Variants in FOXO1 observed in about 807,000 individuals in gnomAD.
FOXO1 encodes forkhead box O1.
Under a neutral mutation model 44.1 loss-of-function variants are expected in FOXO1, and 6 were observed. That is an observed-to-expected ratio of 0.14 (90% CI 0.07 to 0.27). The LOEUF (loss-of-function observed/expected upper bound fraction) is 0.27, where lower values mean the gene tolerates loss of function less well. Among genes scored for constraint, FOXO1 ranks in the 10% least tolerant of loss-of-function variants. The probability of loss-of-function intolerance (pLI) is 1.00; values close to 1 mark genes in which losing one functional copy is unlikely to be tolerated. For missense variants in FOXO1, 737 were observed against 888.8 expected (o/e 0.83, Z 2.17); for synonymous variants, 380 against 362.7 (o/e 1.05, Z -0.54).
chr13:40,608,231 C>T (rs1016970843), intron 1 of FOXO1, among the ~76,000 whole-genome samples: 5 of 152,152 alleles, frequency 3.3e-5, no homozygotes, highest in Non-Finnish European at 5.9e-5. Context: ...GGCCTCTTGT[C>T]GGTAAAGTAC....
At position 40,560,465 on chromosome 13, in the gene FOXO1, A is replaced by G. The variant is rs377391562; in HGVS notation, c.1026T>C (p.Asp342=). Residue 342 remains aspartate (D), a synonymous_variant, in exon 2 of 3, where the codon GAT becomes GAC. Transcript: ENST00000379561. This position sits in a 1 kb window ranked among gnomAD's most constrained non-coding sequence, Gnocchi z 5.1. The part of the protein sequence containing the change: ...MTEQDDLGEG[D]VHSMVYPPSA... Reference sequence around the variant, plus strand: ...ATGGCGGGTACACCATAGAATGCACATCCCCTTCTCCAAGATCATCCTGTT... The same window carrying G: ...ATGGCGGGTACACCATAGAATGCACGTCCCCTTCTCCAAGATCATCCTGTT... The G allele has an allele frequency of 6.0e-5, 97 of 1,614,058 alleles. No individual in the cohort carries two copies. The highest frequency in any genetic ancestry group is 4.6e-4 in the South Asian group (42 of 91,082).
At chr13:40,588,730 TGG>T (rs1237825200) in intron 1 of FOXO1, among the ~76,000 whole-genome samples, 9 of 152,176 alleles carry the variant, frequency 5.9e-5, no homozygotes, top group African/African-American at 2.2e-4. Context: ...TGAGCAACTA[TGG>T]AGGTCTCCTT....
At chr13:40,636,688 A>C (rs1175873629) in intron 1 of FOXO1, among the ~76,000 whole-genome samples, 1 of 151,824 alleles carries the variant, frequency 6.6e-6, no homozygotes, top group Non-Finnish European at 1.5e-5. Context: ...CACCCAGCTG[A>C]CTTTTGTATT....
rs1457196761 is a variant in FOXO1, at chr13:40,666,305, C to A, written c.-93G>T. ...CGGGGAGGGGGCGCGAAGGGACGGT[C>A]CGAGATTTGGGGGAACGAAGCCGGT... On this transcript the variant is annotated 5_prime_UTR_variant, in exon 1 of 3. Transcript: ENST00000379561. 4 of 1,100,984 alleles carry A rather than the reference C, an allele frequency of 3.6e-6. No individual in the cohort carries two copies. Among genetic ancestry groups the A allele is most frequent in the Non-Finnish European group, 4.7e-6 (4 of 844,426 alleles). The allele number at this position is 1,100,984 out of a possible 1,614,324, so 68.2% of individuals were successfully genotyped here. A position where few individuals can be genotyped will look rare whatever the true frequency, so the allele number is the denominator to read the frequency against.
At chr13:40,618,920 A>G in intron 1 of FOXO1, 1 of 526,570 alleles carries the variant, frequency 1.9e-6, no homozygotes. Flanking sequence ...CCCTAGAGAA[A>G]TAACATCAGA....
At chr13:40,624,625 AGGT>A (rs1876728350) in intron 1 of FOXO1, among the ~76,000 whole-genome samples, 1 of 152,084 alleles carries the variant, frequency 6.6e-6, no homozygotes, top group African/African-American at 2.4e-5. Flanking sequence ...TGGCGGGGGG[AGGT>A]GACAGATGAC....
chr13:40,592,326 A>G (rs1441050870), intron 1 of FOXO1, among the ~76,000 whole-genome samples: 1 of 152,258 alleles, frequency 6.6e-6, no homozygotes, highest in African/African-American at 2.4e-5. Flanking sequence ...AACTCAGGAC[A>G]GAGAAAGTTG....
At chr13:40,650,653 A>G (rs533105553) in intron 1 of FOXO1, among the ~76,000 whole-genome samples, 3 of 152,306 alleles carry the variant, frequency 2.0e-5, no homozygotes, top group East Asian at 1.9e-4. Flanking sequence ...AACACTCAAG[A>G]GCAGGCAGGT....
chr13:40,574,327 C>T (rs1417492248), intron 1 of FOXO1, among the ~76,000 whole-genome samples: 2 of 152,108 alleles, frequency 1.3e-5, no homozygotes. Context: ...ATGTCTGTGT[C>T]CAAGTTAGAT....
chr13:40,633,663 A>G (rs1453762902), intron 1 of FOXO1, among the ~76,000 whole-genome samples: 1 of 152,218 alleles, frequency 6.6e-6, no homozygotes. Flanking sequence ...GATGATAAAA[A>G]TGAAAATTGT....
Position 40,557,038 on chromosome 13 carries a change from G to A in FOXO1, c.*2011C>T, listed in dbSNP as rs1873781057. On this transcript the variant is annotated 3_prime_UTR_variant, in exon 3 of 3. Coordinates refer to ENST00000379561, the MANE Select transcript of FOXO1 (RefSeq NM_002015.4). The stretch of plus-strand genomic sequence containing the variant: ...CTGTTCAATGAATCTTCAAAAAAAT[G>A]ATCATCACAGTGGGAAGCTTACAAT... The A allele has an allele frequency of 6.6e-6, 1 of 152,180 alleles. No homozygotes were observed. The highest frequency in any genetic ancestry group is 1.5e-5 in the Non-Finnish European group (1 of 68,026). The allele number at this position is 152,180 out of a possible 1,614,324, so 9.4% of individuals were successfully genotyped here.
At chr13:40,636,465 T>C (rs1877158351) in intron 1 of FOXO1, among the ~76,000 whole-genome samples, 1 of 151,440 alleles carries the variant, frequency 6.6e-6, no homozygotes, top group East Asian at 1.9e-4. Flanking sequence ...AGGCCAGGAG[T>C]TCAATACCAG....
At chr13:40,638,789 G>T (rs1877247596) in intron 1 of FOXO1, among the ~76,000 whole-genome samples, 2 of 152,170 alleles carry the variant, frequency 1.3e-5, no homozygotes, top group African/African-American at 4.8e-5. Context: ...GATGGGCACT[G>T]TATTCATACT....
At chr13:40,574,459 T>C (rs1057095771) in intron 1 of FOXO1, among the ~76,000 whole-genome samples, 1 of 152,226 alleles carries the variant, frequency 6.6e-6, no homozygotes, top group Admixed American at 6.5e-5. Context: ...AGATTATACA[T>C]GTGAAGAATG....
At chr13:40,612,364 G>A (rs10507486) in intron 1 of FOXO1, among the ~76,000 whole-genome samples, 25,826 of 152,164 alleles carry the variant, frequency 0.17, 2,546 homozygotes, top group South Asian at 0.29. Context: ...ACACAGCTAC[G>A]AAGATAAAGT....
chr13:40,579,476 G>T (rs1004963461), intron 1 of FOXO1, among the ~76,000 whole-genome samples: 11 of 152,160 alleles, frequency 7.2e-5, no homozygotes, highest in Non-Finnish European at 1.5e-4. Flanking sequence ...GGAGAAGAAT[G>T]GGCCAAATCT....
chr13:40,665,176 G>C (rs1311403952), intron 1 of FOXO1, among the ~76,000 whole-genome samples: 1 of 151,952 alleles, frequency 6.6e-6, no homozygotes, highest in East Asian at 1.9e-4. Context: ...TCCGCGGCGC[G>C]GCCGGAGAGA....
At chr13:40,630,042 C>T (rs1444852055) in intron 1 of FOXO1, among the ~76,000 whole-genome samples, 1 of 152,050 alleles carries the variant, frequency 6.6e-6, no homozygotes, top group Admixed American at 6.5e-5. Context: ...AAATAATGCC[C>T]ACCACTTCAA....
At chr13:40,656,980 G>A (rs568639543) in intron 1 of FOXO1, among the ~76,000 whole-genome samples, 62 of 152,000 alleles carry the variant, frequency 4.1e-4, no homozygotes, top group Admixed American at 2.1e-3. Context: ...ACAGGCACCC[G>A]CCACCACACT....
Sources: allele counts gnomAD v4.1 joint callset (sites outside exome capture counted in the v4.1 genomes callset), GRCh38; gene constraint gnomAD v4.1.1; non-coding constraint Gnocchi (gnomAD v3.1); transcripts MANE v1.5; gene names NCBI Gene and HGNC (gene_info 2026-07-23, HGNC 2026-07-21).